The following TMEM108 variants were observed in gnomAD, a reference collection of about 807,000 sequenced individuals.
The protein encoded by TMEM108 is transmembrane protein 108.
In TMEM108, 12 loss-of-function variants were observed where a neutral mutation model predicts 35.1. The ratio of observed to expected loss-of-function variants is 0.34; its 90% CI spans 0.22 to 0.55. TMEM108 has a LOEUF of 0.55. Ranked by LOEUF, TMEM108 falls within the 20% of genes least tolerant of loss-of-function variation. The pLI, the probability that TMEM108 is intolerant of heterozygous loss-of-function variation, is 0.89. For missense variants in TMEM108, 680 were observed against 753.3 expected (o/e 0.90, Z 1.14); for synonymous variants, 287 against 308.6 (o/e 0.93, Z 0.73).
At chr3:133,135,107 A>G (rs1944546037) in intron 2 of TMEM108, among the ~76,000 whole-genome samples, 1 of 150,082 alleles carries the variant, frequency 6.7e-6, no homozygotes, top group Non-Finnish European at 1.5e-5. Flanking sequence ...GTTTATCAAT[A>G]TCTTCTCTCA....
chr3:133,310,530 C>CTTTTTTTTTTTT (rs59215786), intron 3 of TMEM108, among the ~76,000 whole-genome samples: 7 of 22,250 alleles, frequency 3.1e-4, no homozygotes, highest in Non-Finnish European at 4.9e-4. Flanking sequence ...GCAACCCCTG[C>CTTTTTTTTTTTT]TTTTTTTTTT....
chr3:133,351,024 T>A (rs1373378272), intron 3 of TMEM108, among the ~76,000 whole-genome samples: 4 of 152,098 alleles, frequency 2.6e-5, no homozygotes, highest in Non-Finnish European at 2.9e-5. Flanking sequence ...CAAATCAGAT[T>A]TAAAGAGTTG....
chr3:133,318,920 C>CAAAAAAAA (rs58513827), intron 3 of TMEM108, among the ~76,000 whole-genome samples: 4,806 of 135,844 alleles, frequency 0.035, 327 homozygotes, highest in African/African-American at 0.12. Context: ...GCGAGATAGG[C>CAAAAAAAA]AAAAAAAAAA....
chr3:133,061,909 G>A (rs1012614401), intron 2 of TMEM108, among the ~76,000 whole-genome samples: 5 of 152,202 alleles, frequency 3.3e-5, no homozygotes, highest in African/African-American at 1.2e-4. Flanking sequence ...AAGGGAAGGG[G>A]TTTGGGCATA....
At chr3:133,211,492 A>T (rs533728147) in intron 2 of TMEM108, among the ~76,000 whole-genome samples, 2 of 152,332 alleles carry the variant, frequency 1.3e-5, no homozygotes, top group Admixed American at 1.3e-4. Context: ...CATCTCTACA[A>T]TATCATTTAA....
intron 2 of TMEM108, among the ~76,000 whole-genome samples, chr3:133,185,515 C>A (rs1269280323): frequency 2.0e-5 from 3 of 150,270 alleles, no homozygotes; most frequent in African/African-American, 7.4e-5. Context: ...AGCCTAATCT[C>A]AACTCTCTAT....
chr3:133,282,989 C>T (rs143772706), intron 3 of TMEM108, among the ~76,000 whole-genome samples: 112 of 152,164 alleles, frequency 7.4e-4, no homozygotes, highest in African/African-American at 2.5e-3. Context: ...AGTGTAGACA[C>T]GTATGTGTGT....
At chr3:133,358,855 A>G (rs574817099) in intron 3 of TMEM108, among the ~76,000 whole-genome samples, 1 of 152,098 alleles carries the variant, frequency 6.6e-6, no homozygotes, top group South Asian at 2.1e-4. Flanking sequence ...GTGGAGAAGG[A>G]TATGGGAGCA....
chr3:133,059,933 T>C (rs1220485876), intron 2 of TMEM108, among the ~76,000 whole-genome samples: 2 of 152,204 alleles, frequency 1.3e-5, no homozygotes, highest in Admixed American at 6.5e-5. Context: ...CCATAAATGT[T>C]TTAACCTAAT....
intron 1 of TMEM108, among the ~76,000 whole-genome samples, chr3:133,040,254 A>T (rs1459355452): frequency 4.3e-5 from 6 of 140,066 alleles, no homozygotes; most frequent in African/African-American, 1.6e-4. Context: ...CCCAGGCTGG[A>T]GTGCAGTGGT....
chr3:133,099,490 A>G (rs1944059082), intron 2 of TMEM108, among the ~76,000 whole-genome samples: 2 of 152,302 alleles, frequency 1.3e-5, no homozygotes, highest in Middle Eastern at 6.8e-3. Context: ...TTTCTTCTCA[A>G]AAAAATGGGT....
chr3:133,372,868 G>C (rs2072715869), intron 3 of TMEM108, among the ~76,000 whole-genome samples: 1 of 152,166 alleles, frequency 6.6e-6, no homozygotes, highest in African/African-American at 2.4e-5. Flanking sequence ...AAACTCCTTG[G>C]TTTCATAAAG....
chr3:133,065,332 G>A (rs77011802), intron 2 of TMEM108, among the ~76,000 whole-genome samples: 4,194 of 152,108 alleles, frequency 0.028, 102 homozygotes, highest in South Asian at 0.061. Flanking sequence ...GCACAGAGAT[G>A]TTCGCATATG....
Position 133,379,758 on chromosome 3 carries a change from T to A in TMEM108, c.47T>A (p.Leu16Gln). Reference sequence around the variant, plus strand: ...TCTCTGTCTCCTTTTCAAGGTTTCCTGCTGATCTTGGCACTGACCGAAGCG... The same window carrying A: ...TCTCTGTCTCCTTTTCAAGGTTTCCAGCTGATCTTGGCACTGACCGAAGCG... ...QALYCQLLSFLLILALTEALA... is the reference protein window; with the variant it reads ...QALYCQLLSFQLILALTEALA... The change falls in exon 4 of 6, where the codon CTG (leucine) becomes CAG (glutamine). Residue 16 changes from leucine (L) to glutamine (Q), a missense_variant. Around this residue, in one of 3 missense-constraint regions of TMEM108, gnomAD observed 49 missense variants for 70.6 expected, o/e 0.69. Transcript: ENST00000321871. The A allele has an allele frequency of 6.2e-7, 1 of 1,612,930 alleles. No individual in the cohort carries two copies.
chr3:133,157,051 G>A (rs1304600653), intron 2 of TMEM108, among the ~76,000 whole-genome samples: 1 of 152,080 alleles, frequency 6.6e-6, no homozygotes, highest in Admixed American at 6.5e-5. Context: ...TAATTTCCTG[G>A]AACAGTCTGG....
Position 133,088,768 on chromosome 3 carries a change from G to T in TMEM108, c.-47+42748G>T, listed in dbSNP as rs976308516. Among the ~76,000 whole-genome samples, 4 of 152,258 alleles carry T rather than the reference G, an allele frequency of 2.6e-5. No homozygotes were observed. The East Asian group carries it at 7.7e-4, about 29-fold the overall frequency. On this transcript the variant is annotated intron_variant, in intron 2 of 5. Transcript: ENST00000321871. ...GAGCTGTGGCATTATGACAGCCTTG[G>T]CATTGTTGTTTGGGACCTCTGTCAT... is the stretch of plus-strand genomic sequence containing the variant.
chr3:133,386,399 T>G (rs767725763), intron 4 of TMEM108: 24 of 1,535,994 alleles, frequency 1.6e-5, no homozygotes, highest in Non-Finnish European at 2.0e-5. Context: ...CCTGCAGGGT[T>G]TCATTTCCAT....
At chr3:133,273,352 T>A (rs1392182745) in intron 3 of TMEM108, among the ~76,000 whole-genome samples, 1 of 152,230 alleles carries the variant, frequency 6.6e-6, no homozygotes, top group Non-Finnish European at 1.5e-5. Context: ...TCCAGACTCT[T>A]AGATTCTTTC....
chr3:133,330,028 T>C (rs1426968968), intron 3 of TMEM108, among the ~76,000 whole-genome samples: 1 of 151,954 alleles, frequency 6.6e-6, no homozygotes, highest in East Asian at 1.9e-4. Context: ...TTCCTGCTTT[T>C]GGAGAAAAAA....
Sources: allele counts gnomAD v4.1 joint callset (sites outside exome capture counted in the v4.1 genomes callset), GRCh38; gene constraint gnomAD v4.1.1; regional missense constraint gnomAD v4.1.1; transcripts MANE v1.5; gene names NCBI Gene and HGNC (gene_info 2026-07-23, HGNC 2026-07-21).